GALNT18: variants seen among roughly 807,000 people sequenced by gnomAD.
GALNT18 encodes the protein GalNAc-transferase 18.
In GALNT18, 44 loss-of-function variants were observed where a neutral mutation model predicts 69.5. The observed-to-expected ratio is 0.63, with a 90% confidence interval of 0.50 to 0.81. The LOEUF (loss-of-function observed/expected upper bound fraction) is 0.81, where lower values mean the gene tolerates loss of function less well. Among genes scored for constraint, GALNT18 ranks in the 40% least tolerant of loss-of-function variants. The pLI, the probability that GALNT18 is intolerant of heterozygous loss-of-function variation, is 0.00. For synonymous variants in GALNT18, 364 were observed against 318.2 expected (o/e 1.14, Z -1.53); for missense variants, 715 against 810.0 (o/e 0.88, Z 1.42).
At position 11,463,602 on chromosome 11, in the gene GALNT18, C is replaced by G. The variant is rs189844162; in HGVS notation, c.236-14666G>C. On this transcript the variant is annotated intron_variant, in intron 1 of 10. Coordinates refer to ENST00000227756, the MANE Select transcript of GALNT18 (RefSeq NM_198516.3). The surrounding 1 kb of genome is among the most constrained non-coding windows in gnomAD (Gnocchi z 4.2). Reference sequence around the variant, plus strand: ...ACGTCTTTTCATTACTGTCCTAAGTCGTAAATCTCTCACCCCCAGCAGTCA... The same window carrying G: ...ACGTCTTTTCATTACTGTCCTAAGTGGTAAATCTCTCACCCCCAGCAGTCA... 2.7e-4 allele frequency among the ~76,000 whole-genome samples: 41 copies of G among 152,210 alleles called. No homozygotes were observed. In the East Asian group the frequency reaches 7.0e-3, roughly 26 times the overall value.
At chr11:11,483,110 G>GC (rs1856568259) in intron 1 of GALNT18, among the ~76,000 whole-genome samples, 1 of 152,214 alleles carries the variant, frequency 6.6e-6, no homozygotes, top group Admixed American at 6.5e-5. Flanking sequence ...GAAATCCTGA[G>GC]CACCTTCCCC....
chr11:11,319,198 C>T (rs1480221561), intron 9 of GALNT18, among the ~76,000 whole-genome samples: 1 of 148,406 alleles, frequency 6.7e-6, no homozygotes, highest in Non-Finnish European at 1.5e-5. Flanking sequence ...GGCCAGCCTG[C>T]AGTCCTGCCT....
intron 9 of GALNT18, among the ~76,000 whole-genome samples, chr11:11,302,558 G>GCAAA (rs1190436187): frequency 2.6e-5 from 4 of 152,172 alleles, no homozygotes; most frequent in Non-Finnish European, 5.9e-5. Context: ...GATGGGAGCT[G>GCAAA]CAAACAAAAG....
intron 1 of GALNT18, among the ~76,000 whole-genome samples, chr11:11,450,453 G>C (rs1855769308): frequency 6.6e-6 from 1 of 152,182 alleles, no homozygotes; most frequent in African/African-American, 2.4e-5. Flanking sequence ...ACCATGGAAG[G>C]GGTGCTCCAG....
rs149414994 is a variant in GALNT18, at chr11:11,618,726, A to G, written c.235+2633T>C. On this transcript the variant is annotated intron_variant, in intron 1 of 10. Coordinates refer to ENST00000227756, the MANE Select transcript of GALNT18 (RefSeq NM_198516.3). The surrounding 1 kb of genome is among the most constrained non-coding windows in gnomAD (Gnocchi z 6.1). Reference sequence around the variant, plus strand: ...AGTTTCCATATCTGTAAAATGGAGCAAATATTACCTACTTCATAAGGTTGT... The same window carrying G: ...AGTTTCCATATCTGTAAAATGGAGCGAATATTACCTACTTCATAAGGTTGT... Among the ~76,000 whole-genome samples the G allele has an allele frequency of 2.2e-3, 339 of 152,348 alleles. 1 individual carries two copies. The highest frequency in any genetic ancestry group is 7.9e-3 in the African/African-American group (330 of 41,576).
intron 9 of GALNT18, among the ~76,000 whole-genome samples, chr11:11,298,332 C>A (rs1307460384): frequency 1.3e-5 from 2 of 152,258 alleles, no homozygotes; most frequent in African/African-American, 4.8e-5. Context: ...GTGGCTACTG[C>A]CACTTTTAAG....
Position 11,465,559 on chromosome 11 carries a change from G to A in GALNT18, c.236-16623C>T, listed in dbSNP as rs977545083. 5.9e-5 allele frequency among the ~76,000 whole-genome samples: 9 copies of A among 152,126 alleles called. No homozygotes were observed. Among genetic ancestry groups the A allele is most frequent in the Non-Finnish European group, 1.2e-4 (8 of 68,028 alleles). ...AGGTCAGGAAGCACAGCTTAGGAAG[G>A]GTCTTGAGAATGGCCTCCGGGAACC... On this transcript the variant is annotated intron_variant, in intron 1 of 10. Coordinates refer to ENST00000227756, the MANE Select transcript of GALNT18 (RefSeq NM_198516.3). This position sits in a 1 kb window ranked among gnomAD's most constrained non-coding sequence, Gnocchi z 5.7.
intron 10 of GALNT18, among the ~76,000 whole-genome samples, chr11:11,290,117 C>T (rs901606737): frequency 6.3e-4 from 96 of 152,216 alleles, no homozygotes; most frequent in African/African-American, 2.0e-3. Context: ...GTACTCTTGT[C>T]GATTGAGGAC....
chr11:11,411,037 G>A (rs960860990), intron 3 of GALNT18, among the ~76,000 whole-genome samples: 6 of 152,340 alleles, frequency 3.9e-5, no homozygotes, highest in African/African-American at 1.2e-4. Flanking sequence ...TGGAGGCTGG[G>A]TGCAGTGGCT....
chr11:11,483,811 G>A (rs1856585880), intron 1 of GALNT18, among the ~76,000 whole-genome samples: 1 of 152,190 alleles, frequency 6.6e-6, no homozygotes, highest in Non-Finnish European at 1.5e-5. Context: ...ATGCACAGAC[G>A]TTACTTCAAT....
intron 9 of GALNT18, among the ~76,000 whole-genome samples, chr11:11,295,949 T>C (rs948338159): frequency 3.3e-5 from 5 of 152,226 alleles, no homozygotes; most frequent in African/African-American, 1.2e-4. Flanking sequence ...CCTGAGACTG[T>C]CCATTGTGTG....
In GALNT18 at chr11:11,495,774, C is replaced by T. The variant is rs140626348; in HGVS notation, c.236-46838G>A. Among the ~76,000 whole-genome samples the T allele has an allele frequency of 1.3e-3, 205 of 152,256 alleles. 2 individuals carry two copies. The highest frequency in any genetic ancestry group is 4.8e-3 in the African/African-American group (198 of 41,546). On this transcript the variant is annotated intron_variant, in intron 1 of 10. Transcript: ENST00000227756. ...GTTGGGGCAATCCTCATTATAGAAGCGGTAGCAGAGGCTCTCAGAAGTCCC... is the reference window on the plus strand; with the variant it reads ...GTTGGGGCAATCCTCATTATAGAAGTGGTAGCAGAGGCTCTCAGAAGTCCC...
intron 1 of GALNT18, among the ~76,000 whole-genome samples, chr11:11,477,755 C>CTATA (rs1856434940): frequency 6.6e-6 from 1 of 152,156 alleles, no homozygotes; most frequent in South Asian, 2.1e-4. Context: ...AATTTTCACC[C>CTATA]TATAGCAGAA....
At chr11:11,581,053 A>G (rs1004646517) in intron 1 of GALNT18, among the ~76,000 whole-genome samples, 2 of 152,224 alleles carry the variant, frequency 1.3e-5, no homozygotes, top group African/African-American at 4.8e-5. Flanking sequence ...GATAAGGACA[A>G]TTTATGTGCT....
At chr11:11,441,883 A>G (rs1855539104) in intron 2 of GALNT18, among the ~76,000 whole-genome samples, 2 of 152,226 alleles carry the variant, frequency 1.3e-5, no homozygotes, top group South Asian at 4.1e-4. Flanking sequence ...TAGTATAGTG[A>G]CAGCAGAGCC....
chr11:11,273,612 G>A (rs987436947), intron 10 of GALNT18, among the ~76,000 whole-genome samples: 3 of 152,122 alleles, frequency 2.0e-5, no homozygotes, highest in Non-Finnish European at 4.4e-5. Flanking sequence ...AATTATTACA[G>A]CTACTATGGA....
intron 9 of GALNT18, among the ~76,000 whole-genome samples, chr11:11,323,924 T>C (rs1337308729): frequency 6.6e-6 from 1 of 152,210 alleles, no homozygotes; most frequent in Non-Finnish European, 1.5e-5. Flanking sequence ...TTTTGCAACA[T>C]GGATAGGCTG....
rs184002687 is a variant in GALNT18 at position 11,460,620 on chromosome 11, G to A, written c.236-11684C>T. 7.2e-4 allele frequency among the ~76,000 whole-genome samples: 109 copies of A among 152,282 alleles called. 3 individuals are homozygous for A. The Middle Eastern group carries it at 0.017, about 24-fold the overall frequency. On this transcript the variant is annotated intron_variant, in intron 1 of 10. Coordinates refer to ENST00000227756, the MANE Select transcript of GALNT18 (RefSeq NM_198516.3). Reference sequence around the variant, plus strand: ...GTACACTCACTAACAAGGTAGAAAGGAGAGCCCTAGCTGGTGCAAAGCAGG... The same window carrying A: ...GTACACTCACTAACAAGGTAGAAAGAAGAGCCCTAGCTGGTGCAAAGCAGG...
At chr11:11,352,091 A>G in intron 6 of GALNT18, 1 of 1,613,610 alleles carries the variant, frequency 6.2e-7, no homozygotes, top group Non-Finnish European at 8.5e-7. Flanking sequence ...TGACGGGCGT[A>G]CTGCCCCCTG....
Sources: allele counts gnomAD v4.1 joint callset (sites outside exome capture counted in the v4.1 genomes callset), GRCh38; gene constraint gnomAD v4.1.1; non-coding constraint Gnocchi (gnomAD v3.1); transcripts MANE v1.5; gene names NCBI Gene and HGNC (gene_info 2026-07-23, HGNC 2026-07-21).